RP1L1: variants seen among roughly 807,000 people sequenced by gnomAD.
RP1L1 encodes the protein retinitis pigmentosa 1-like 1 protein.
Under a neutral mutation model 15.7 loss-of-function variants are expected in RP1L1, and 27 were observed. The observed-to-expected ratio is 1.72, with a 90% CI of 1.27 to 2.38. RP1L1 has a LOEUF of 2.38. Among genes scored for constraint, RP1L1 ranks in the 30% most tolerant of loss-of-function variants. The pLI, the probability that RP1L1 is intolerant of heterozygous loss-of-function variation, is 0.00. For synonymous variants in RP1L1, 1,813 were observed against 1,276.7 expected, an observed-to-expected ratio of 1.42 and a Z score of -8.96; for missense variants, 4,798 against 3,075.9, an observed-to-expected ratio of 1.56 and a Z score of -13.24.
At chr8:10,630,026 C>T (rs1017252616) in intron 1 of RP1L1, among the ~76,000 whole-genome samples, 1 of 152,168 alleles carries the variant, frequency 6.6e-6, no homozygotes, top group Non-Finnish European at 1.5e-5. Context: ...TGCTGAGGCC[C>T]CATCCTGAGT....
chr8:10,622,866 G>GA lies in RP1L1; in HGVS notation c.335_336insT (p.Ser114GlnfsTer24). 4 of 1,613,114 alleles carry GA rather than the reference G, an allele frequency of 2.5e-6. No individual in the cohort carries two copies. Among genetic ancestry groups the GA allele is most frequent in the Non-Finnish European group, 3.4e-6 (4 of 1,179,388 alleles). On this transcript the variant is annotated frameshift_variant, in exon 2 of 4. Transcript: ENST00000382483. LOFTEE classifies it high-confidence loss of function. ...CCTGTGGCCGGCCTGGTCCACTGGG[G>GA]GTCTTGGGGGGCTTCTTATCAGAGC...
intron 1 of RP1L1, among the ~76,000 whole-genome samples, chr8:10,654,203 G>A (rs758927907): frequency 6.6e-6 from 1 of 152,154 alleles, no homozygotes; most frequent in Non-Finnish European, 1.5e-5. Context: ...TTGACTGGCC[G>A]CTGGGGGGAT....
At chr8:10,633,232 G>T (rs1798278622) in intron 1 of RP1L1, among the ~76,000 whole-genome samples, 1 of 152,180 alleles carries the variant, frequency 6.6e-6, no homozygotes, top group African/African-American at 2.4e-5. Context: ...CAAAGCCGCA[G>T]CCAGGTCAGG....
chr8:10,629,148 C>T (rs1423562343), intron 1 of RP1L1, among the ~76,000 whole-genome samples: 1 of 152,206 alleles, frequency 6.6e-6, no homozygotes, highest in Non-Finnish European at 1.5e-5. Flanking sequence ...AAACCCAGGA[C>T]AGGTAGAAAG....
In RP1L1 at chr8:10,609,136, C is replaced by T. The variant is rs766757904; in HGVS notation, c.4962G>A (p.Glu1654=). The change falls in exon 4 of 4, where the codon GAG becomes GAA. Residue 1654 remains glutamate (E), a synonymous_variant. Coordinates refer to ENST00000382483, the MANE Select transcript of RP1L1 (RefSeq NM_178857.6). ...GSQLGEEAEG[E]EFCPCEACVR... is the part of the protein sequence containing the mutation. Reference sequence around the variant, plus strand: ...CGCAGGCCTCGCAGGGACAGAACTCCTCCCCCTCCGCCTCCTCGCCCAGCT... The same window carrying T: ...CGCAGGCCTCGCAGGGACAGAACTCTTCCCCCTCCGCCTCCTCGCCCAGCT... The T allele has an allele frequency of 6.2e-6, 10 of 1,613,448 alleles. No individual in the cohort carries two copies. The highest frequency in any genetic ancestry group is 6.8e-6 in the Non-Finnish European group (8 of 1,179,820).
intron 3 of RP1L1, among the ~76,000 whole-genome samples, chr8:10,613,609 A>C (rs1438575764): frequency 0.023 from 3,207 of 141,822 alleles, 164 homozygotes; most frequent in African/African-American, 0.091. Context: ...CCAAAAAAAA[A>C]AAAAAAAAAA....
At chr8:10,648,120 C>T (rs1429007541) in intron 1 of RP1L1, among the ~76,000 whole-genome samples, 1 of 152,056 alleles carries the variant, frequency 6.6e-6, no homozygotes, top group African/African-American at 2.4e-5. Flanking sequence ...CAACCTCCAC[C>T]TCTTGGGTTC....
At chr8:10,632,210 C>T (rs1484541120) in intron 1 of RP1L1, among the ~76,000 whole-genome samples, 1 of 152,138 alleles carries the variant, frequency 6.6e-6, no homozygotes, top group Non-Finnish European at 1.5e-5. Flanking sequence ...CACCAATGTC[C>T]GACTGTGGGA....
chr8:10,616,667 A>G (rs1797971632), intron 2 of RP1L1, 80 bp from the exon 3 acceptor site: 2 of 1,471,972 alleles, frequency 1.4e-6, no homozygotes. Context: ...GGAAGGATCC[A>G]GTCTCACCAG....
chr8:10,651,068 A>G (rs961786380), intron 1 of RP1L1, among the ~76,000 whole-genome samples: 1 of 152,196 alleles, frequency 6.6e-6, no homozygotes, highest in African/African-American at 2.4e-5. Flanking sequence ...CTTGAGATCT[A>G]GTCTGTAAGG....
intron 1 of RP1L1, among the ~76,000 whole-genome samples, chr8:10,651,638 TC>T (rs1336515190): frequency 6.6e-6 from 1 of 150,408 alleles, no homozygotes; most frequent in Non-Finnish European, 1.5e-5. Context: ...GGCAGGAGAA[TC>T]CCTTGAACTC....
intron 1 of RP1L1, among the ~76,000 whole-genome samples, chr8:10,649,603 G>A (rs1798529535): frequency 6.6e-6 from 1 of 152,314 alleles, no homozygotes; most frequent in South Asian, 2.1e-4. Flanking sequence ...TTCTGGCCAG[G>A]TGCGGTGGCT....
rs577628554 is a variant in RP1L1 at position 10,615,677 on chromosome 8, C to T, written c.751+769G>A. On this transcript the variant is annotated intron_variant, in intron 3 of 3. Coordinates refer to ENST00000382483, the MANE Select transcript of RP1L1 (RefSeq NM_178857.6). ...CTGAGTAGCTGGGACCACGGGTATG[C>T]GCCACCATGCCTGGCTAATTTGTTC... 3.5e-3 allele frequency among the ~76,000 whole-genome samples: 523 copies of T among 151,502 alleles called. 6 individuals carry two copies. The highest frequency in any genetic ancestry group is 0.012 in the African/African-American group (479 of 41,308).
In RP1L1 at chr8:10,609,997, C is replaced by T. The variant is rs1160152766; in HGVS notation, c.4101G>A (p.Leu1367=). ...CCTCTAACTGCACCCCCTCTTCTTG[C>T]AGCCCTTCTCCTCCTGTTTCTTCAA... is the stretch of plus-strand genomic sequence containing the variant. The part of the protein sequence containing the change: ...EEIEETGGEG[L]QEEGVQLEEV... Residue 1367 remains leucine (L), a synonymous_variant, in exon 4 of 4, where the codon CTG becomes CTA. Transcript: ENST00000382483. 1.3e-6 allele frequency: 2 copies of T among 1,599,264 alleles called. No homozygotes were observed. The highest frequency in any genetic ancestry group is 1.3e-5 in the African/African-American group (1 of 74,342).
At chr8:10,652,029 T>C (rs1798570532) in intron 1 of RP1L1, among the ~76,000 whole-genome samples, 1 of 152,334 alleles carries the variant, frequency 6.6e-6, no homozygotes, top group African/African-American at 2.4e-5. Context: ...GTACTCAGTA[T>C]AGTACCATGC....
intron 1 of RP1L1, among the ~76,000 whole-genome samples, chr8:10,644,042 G>A (rs762852968): frequency 1.3e-5 from 2 of 151,968 alleles, no homozygotes; most frequent in African/African-American, 2.4e-5. Flanking sequence ...GCCCGGGAGT[G>A]GTTTGGGAGG....
At chr8:10,626,038 G>A (rs1371470115) in intron 1 of RP1L1, among the ~76,000 whole-genome samples, 10 of 152,112 alleles carry the variant, frequency 6.6e-5, no homozygotes, top group Admixed American at 2.0e-4. Context: ...AACAGATTAC[G>A]GGGCAAAAGG....
In RP1L1 at chr8:10,609,933, C is replaced by G. The variant is rs370467071; in HGVS notation, c.4165G>C (p.Ala1389Pro). The change falls in exon 4 of 4, where the codon GCT (alanine) becomes CCT (proline). Residue 1389 changes from alanine (A) to proline (P), a missense_variant. Coordinates refer to ENST00000382483, the MANE Select transcript of RP1L1 (RefSeq NM_178857.6). ...TCCTCTTTGAGACCCTCTTCAAGAG[C>G]CTCTCCTTGCAGTCCTCCTTCTGGC... ...EGPEGGLQGE[A>P]LEEGLKEEGL... 91 of 1,591,144 alleles carry G rather than the reference C, an allele frequency of 5.7e-5. No individual in the cohort carries two copies. The highest frequency in any genetic ancestry group is 7.7e-5 in the Non-Finnish European group (90 of 1,163,880).
intron 1 of RP1L1, among the ~76,000 whole-genome samples, chr8:10,640,178 G>T (rs1798386553): frequency 1.3e-5 from 2 of 152,192 alleles, no homozygotes; most frequent in Admixed American, 1.3e-4. Context: ...AAATCTGCAT[G>T]ATCCAAATGG....
Sources: allele counts gnomAD v4.1 joint callset (sites outside exome capture counted in the v4.1 genomes callset), GRCh38; gene constraint gnomAD v4.1.1; transcripts MANE v1.5; gene names NCBI Gene and HGNC (gene_info 2026-07-23, HGNC 2026-07-21).